DMD: variants seen among roughly 807,000 people sequenced by gnomAD.
The protein encoded by DMD is mutant dystrophin.
A neutral mutation model predicts 330.1 loss-of-function variants in DMD; 63 were observed. The ratio of observed to expected loss-of-function variants is 0.19; its 90% CI spans 0.16 to 0.24. The LOEUF (loss-of-function observed/expected upper bound fraction) is 0.24. DMD is among the 10% of genes least tolerant of loss of function. The pLI, the probability that DMD is intolerant of heterozygous loss-of-function variation, is 1.00. For missense variants in DMD, 3,344 were observed against 2,684.1 expected (o/e 1.25, Z -5.43); for synonymous variants, 1,223 against 959.8 (o/e 1.27, Z -5.07).
chrX:32,550,537 G>C (rs1368860703), intron 16 of DMD, among the ~76,000 whole-genome samples: 2 of 110,987 alleles, frequency 1.8e-5, no homozygotes, highest in Non-Finnish European at 3.8e-5. Flanking sequence ...ATATCAAAAA[G>C]TTAGAAGGAT....
At chrX:32,724,671 A>G (rs756213609) in intron 7 of DMD, among the ~76,000 whole-genome samples, 1 of 111,716 alleles carries the variant, frequency 9.0e-6, no homozygotes, top group Non-Finnish European at 1.9e-5. Context: ...CAGTCATTAA[A>G]TAAGTCTCAA....
intron 44 of DMD, among the ~76,000 whole-genome samples, chrX:32,085,650 G>A (rs777185791): frequency 1.8e-4 from 8 of 43,743 alleles, no homozygotes; most frequent in Admixed American, 2.8e-4. Flanking sequence ...GTATATATAT[G>A]TGTGTATATA....
chrX:31,377,872 A>G (rs1476187535), intron 60 of DMD, among the ~76,000 whole-genome samples: 1 of 111,353 alleles, frequency 9.0e-6, no homozygotes, highest in Non-Finnish European at 1.9e-5. Flanking sequence ...AAAAGAAGTG[A>G]AAATGGCCGG....
chrX:32,842,472 T>C lies in DMD; in HGVS notation c.264+2311A>G, dbSNP rs376495173. Among the ~76,000 whole-genome samples, 15 of 111,898 alleles carry C rather than the reference T, an allele frequency of 1.3e-4. No homozygotes were observed. The East Asian group carries it at 3.4e-3, about 25-fold the overall frequency. On this transcript the variant is annotated intron_variant, in intron 4 of 78. Transcript: ENST00000357033. ...AGATGCCAATGAGATGTGGTATGTG[T>C]GCTAGCATGTACAACCAGAGCATGT...
chrX:31,923,594 C>CTTT (rs746084752), intron 47 of DMD, among the ~76,000 whole-genome samples: 9 of 76,220 alleles, frequency 1.2e-4, no homozygotes, highest in Non-Finnish European at 1.7e-4. Context: ...GGTGAACACC[C>CTTT]TTTTTTTTTT....
chrX:32,803,427 G>T lies in DMD; in HGVS notation c.649+6066C>A, dbSNP rs768378520. On this transcript the variant is annotated intron_variant, in intron 7 of 78. Coordinates refer to ENST00000357033, the MANE Select transcript of DMD (RefSeq NM_004006.3). Reference sequence around the variant, plus strand: ...TTCAAAAAAACAGCTCCTGAATTGAGTTTTTTTTTTTTAAGGGTTTTTCGT... The same window carrying T: ...TTCAAAAAAACAGCTCCTGAATTGATTTTTTTTTTTTTAAGGGTTTTTCGT... Among the ~76,000 whole-genome samples the T allele has an allele frequency of 2.9e-4, 29 of 100,394 alleles. 1 individual carries two copies. The highest frequency in any genetic ancestry group is 4.6e-3 in the Middle Eastern group (1 of 216). 87.2% of individuals were successfully genotyped at this position (100,394 alleles called of 115,157 possible).
intron 18 of DMD, chrX:32,516,904 T>A (rs1230416386): frequency 8.9e-6 from 1 of 112,265 alleles, no homozygotes; most frequent in Non-Finnish European, 1.9e-5. Flanking sequence ...GCATGTCTTA[T>A]AAAGCTAATA....
intron 2 of DMD, among the ~76,000 whole-genome samples, chrX:32,853,092 C>G (rs2081266194): frequency 8.9e-6 from 1 of 112,348 alleles, no homozygotes; most frequent in Non-Finnish European, 1.9e-5. Context: ...GGAAAAGACC[C>G]TTTATGCTAG....
intron 1 of DMD, among the ~76,000 whole-genome samples, chrX:33,217,587 CAA>C (rs1331998321): frequency 9.0e-6 from 1 of 111,160 alleles, no homozygotes; most frequent in Non-Finnish European, 1.9e-5. Context: ...TGCTTGTATA[CAA>C]AAATACAATT....
At chrX:32,197,237 C>T (rs1048979428) in intron 44 of DMD, among the ~76,000 whole-genome samples, 12 of 110,738 alleles carry the variant, frequency 1.1e-4, no homozygotes, top group African/African-American at 3.9e-4. Flanking sequence ...TGTTTTGACA[C>T]AGGCAGGCAA....
intron 3 of DMD, among the ~76,000 whole-genome samples, chrX:32,845,176 A>G (rs1408056290): frequency 8.9e-6 from 1 of 112,171 alleles, no homozygotes; most frequent in Non-Finnish European, 1.9e-5. Flanking sequence ...GCATGCATAA[A>G]AACATTTTCT....
intron 74 of DMD, 62 bp from the exon 75 acceptor site, chrX:31,147,580 A>G (rs952459414): frequency 9.7e-6 from 9 of 926,431 alleles, no homozygotes; most frequent in Non-Finnish European, 7.5e-6. Flanking sequence ...GAAGAAAAAA[A>G]GTAATTTGAA....
chrX:32,416,705 G>T (rs1293368357), intron 29 of DMD, among the ~76,000 whole-genome samples: 1 of 111,666 alleles, frequency 9.0e-6, no homozygotes, highest in Non-Finnish European at 1.9e-5. Context: ...AGTGTCTTGG[G>T]ATAGGAGTCC....
chrX:31,278,505 C>T (rs1034475007), intron 62 of DMD, among the ~76,000 whole-genome samples: 3 of 111,261 alleles, frequency 2.7e-5, no homozygotes, highest in African/African-American at 9.8e-5. Context: ...GCCAGCTGTT[C>T]GTTTGGGTGG....
intron 37 of DMD, among the ~76,000 whole-genome samples, chrX:32,348,750 A>T (rs761889304): frequency 8.9e-6 from 1 of 111,841 alleles, no homozygotes; most frequent in South Asian, 3.7e-4. Context: ...TACATGCAAG[A>T]TAGTACAATT....
At chrX:32,976,970 G>A (rs1457226047) in intron 2 of DMD, among the ~76,000 whole-genome samples, 2 of 110,696 alleles carry the variant, frequency 1.8e-5, no homozygotes, top group South Asian at 7.7e-4. Context: ...AAACCTATAC[G>A]GTACATAGAA....
intron 74 of DMD, among the ~76,000 whole-genome samples, chrX:31,160,662 C>T (rs953077016): frequency 6.3e-5 from 7 of 111,780 alleles, no homozygotes; most frequent in South Asian, 3.8e-4. Context: ...CAAATGCTAA[C>T]GTAATGATGA....
At chrX:31,839,934 G>A (rs978915011) in intron 48 of DMD, among the ~76,000 whole-genome samples, 2 of 111,594 alleles carry the variant, frequency 1.8e-5, no homozygotes, top group African/African-American at 6.5e-5. Flanking sequence ...AAGGCTGGAG[G>A]ATCATATTTC....
At chrX:31,126,782 A>T in intron 77 of DMD, 109 bp from the exon 78 acceptor site, 1 of 431,290 alleles carries the variant, frequency 2.3e-6, no homozygotes, top group Non-Finnish European at 4.2e-6. Context: ...AAATGTTGAG[A>T]TGACCATTTA....
Sources: gnomAD v4.1 joint callset for allele counts (sites outside exome capture counted in the v4.1 genomes callset) on GRCh38, gnomAD v4.1.1 for gene constraint, MANE v1.5 for transcripts, NCBI Gene and HGNC (gene_info 2026-07-23, HGNC 2026-07-21) for gene names.